The following GALNTL6 variants were observed in gnomAD, a reference collection of about 807,000 sequenced individuals.
GALNTL6 encodes the protein polypeptide N-acetylgalactosaminyltransferase like 6, also known as polypeptide N-acetylgalactosaminyltransferase-like 6.
Under a neutral mutation model 73.7 loss-of-function variants are expected in GALNTL6, and 46 were observed. That is an observed-to-expected ratio of 0.62 (90% CI 0.49 to 0.80). The LOEUF (loss-of-function observed/expected upper bound fraction) is 0.80. Ranked by LOEUF, GALNTL6 falls within the 30% of genes least tolerant of loss-of-function variation. The pLI, the probability that GALNTL6 is intolerant of heterozygous loss-of-function variation, is 0.00. For missense variants in GALNTL6, 604 were observed against 755.0 expected (o/e 0.80, Z 2.34); for synonymous variants, 259 against 263.7 (o/e 0.98, Z 0.17).
intron 2 of GALNTL6, among the ~76,000 whole-genome samples, chr4:171,906,368 C>T (rs1737278783): frequency 6.6e-6 from 1 of 151,798 alleles, no homozygotes; most frequent in South Asian, 2.1e-4. Flanking sequence ...ACAAACACCT[C>T]TACGCAAATA....
chr4:172,280,859 C>A (rs1739019831), intron 3 of GALNTL6, among the ~76,000 whole-genome samples: 1 of 151,992 alleles, frequency 6.6e-6, no homozygotes, highest in South Asian at 2.1e-4. Context: ...AAACTTAGTG[C>A]CTTAAAGCAA....
chr4:172,279,931 A>G (rs1382764416), intron 3 of GALNTL6, among the ~76,000 whole-genome samples: 1 of 152,202 alleles, frequency 6.6e-6, no homozygotes, highest in Non-Finnish European at 1.5e-5. Flanking sequence ...ATGCTACATT[A>G]TGGATATAAT....
At chr4:171,823,940 G>A (rs1210347802) in intron 2 of GALNTL6, among the ~76,000 whole-genome samples, 2 of 150,576 alleles carry the variant, frequency 1.3e-5, no homozygotes, top group Non-Finnish European at 3.0e-5. Flanking sequence ...AAAGGATAAA[G>A]TGATTATAAT....
chr4:172,660,665 A>G (rs1731321355), intron 5 of GALNTL6, among the ~76,000 whole-genome samples: 1 of 152,318 alleles, frequency 6.6e-6, no homozygotes, highest in African/African-American at 2.4e-5. Context: ...AACAGACAGG[A>G]CCCAAACTTC....
rs372745953 is a variant in GALNTL6, at chr4:172,320,401, C to T, written c.386+8649C>T. On this transcript the variant is annotated intron_variant, in intron 4 of 12. Transcript: ENST00000506823. ...GATTTTGCCTGAGAGAGAAGCAAGG[C>T]ACAAAACATATAGCACCAAATATCT... Among the ~76,000 whole-genome samples, 6 of 152,138 alleles carry T rather than the reference C, an allele frequency of 3.9e-5. No homozygotes were observed. The South Asian group carries it at 8.3e-4, about 21-fold the overall frequency.
chr4:173,040,189 T>A lies in GALNTL6; in HGVS notation c.*89T>A. 1.0e-6 allele frequency: 1 copy of A among 1,004,038 alleles called. No homozygotes were observed. Among genetic ancestry groups the A allele is most frequent in the South Asian group, 1.7e-5 (1 of 59,510 alleles). The allele number at this position is 1,004,038 out of a possible 1,614,324, so 62.2% of individuals were successfully genotyped here. ...GGTCGAAGGAGTCAGGAATAACATT[T>A]CCTCGATCCAGGAAGGCTGGTTTAA... On this transcript the variant is annotated 3_prime_UTR_variant, in exon 13 of 13. Transcript: ENST00000506823.
chr4:172,874,925 C>A (rs1745114888), intron 7 of GALNTL6, among the ~76,000 whole-genome samples: 1 of 152,196 alleles, frequency 6.6e-6, no homozygotes, highest in African/African-American at 2.4e-5. Context: ...CCCAGGGCAA[C>A]CTTCCCCAGA....
At chr4:172,016,181 C>A (rs897239709) in intron 2 of GALNTL6, among the ~76,000 whole-genome samples, 2 of 151,890 alleles carry the variant, frequency 1.3e-5, no homozygotes, top group African/African-American at 4.8e-5. Flanking sequence ...GCTTTCTCTT[C>A]TTCCTCAGGG....
intron 2 of GALNTL6, among the ~76,000 whole-genome samples, chr4:172,114,627 G>T (rs955860178): frequency 6.6e-6 from 1 of 151,918 alleles, no homozygotes; most frequent in Non-Finnish European, 1.5e-5. Flanking sequence ...GTTATACGTC[G>T]GCACTGTGAG....
intron 2 of GALNTL6, among the ~76,000 whole-genome samples, chr4:171,890,677 A>G (rs989720085): frequency 1.3e-5 from 2 of 152,146 alleles, no homozygotes; most frequent in African/African-American, 4.8e-5. Context: ...AGTTACTTCC[A>G]GCTGGTACAC....
chr4:172,341,376 GGGAGGC>G (rs1405073745), intron 4 of GALNTL6, among the ~76,000 whole-genome samples: 1 of 144,798 alleles, frequency 6.9e-6, no homozygotes, highest in East Asian at 2.1e-4. Flanking sequence ...GCGTGAACCC[GGGAGGC>G]GGAGCTTGCA....
At chr4:172,217,968 A>G (rs1736547477) in intron 2 of GALNTL6, among the ~76,000 whole-genome samples, 1 of 152,112 alleles carries the variant, frequency 6.6e-6, no homozygotes, top group Non-Finnish European at 1.5e-5. Context: ...GGGCTTCTCT[A>G]AGGACTCCTC....
chr4:171,941,976 T>C (rs1738558578), intron 2 of GALNTL6, among the ~76,000 whole-genome samples: 1 of 152,158 alleles, frequency 6.6e-6, no homozygotes, highest in African/African-American at 2.4e-5. Context: ...TCGTAACCTT[T>C]TGTAGCTATT....
chr4:172,840,909 A>C (rs1279512214), intron 7 of GALNTL6, among the ~76,000 whole-genome samples: 1 of 152,146 alleles, frequency 6.6e-6, no homozygotes, highest in East Asian at 1.9e-4. Flanking sequence ...ATCAATCCAC[A>C]TCCAAAGATT....
At chr4:172,692,406 A>G (rs1733364597) in intron 5 of GALNTL6, among the ~76,000 whole-genome samples, 1 of 152,136 alleles carries the variant, frequency 6.6e-6, no homozygotes, top group Non-Finnish European at 1.5e-5. Context: ...TCTCTTGATA[A>G]ACATTAACAA....
chr4:172,356,470 A>G (rs1331531335), intron 5 of GALNTL6, among the ~76,000 whole-genome samples: 1 of 152,218 alleles, frequency 6.6e-6, no homozygotes, highest in African/African-American at 2.4e-5. Flanking sequence ...GGAAAAAAGA[A>G]AACTTCACAA....
intron 2 of GALNTL6, among the ~76,000 whole-genome samples, chr4:172,023,794 T>C (rs536515473): frequency 1.4e-4 from 22 of 151,986 alleles, no homozygotes; most frequent in African/African-American, 4.1e-4. Flanking sequence ...CCTATCTCCT[T>C]TGGAGAAACA....
intron 5 of GALNTL6, among the ~76,000 whole-genome samples, chr4:172,704,368 T>G (rs978549385): frequency 5.9e-5 from 9 of 151,926 alleles, no homozygotes; most frequent in African/African-American, 2.2e-4. Flanking sequence ...TTTTTCTGTA[T>G]CCCATAGATT....
intron 3 of GALNTL6, among the ~76,000 whole-genome samples, chr4:172,259,585 T>C (rs894126992): frequency 6.6e-6 from 1 of 151,738 alleles, no homozygotes; most frequent in African/African-American, 2.4e-5. Context: ...TGATTATTTC[T>C]TTTGCTATAC....
Sources: gnomAD v4.1 joint callset for allele counts (sites outside exome capture counted in the v4.1 genomes callset) on GRCh38, gnomAD v4.1.1 for gene constraint, MANE v1.5 for transcripts, NCBI Gene and HGNC (gene_info 2026-07-23, HGNC 2026-07-21) for gene names.